Variants in PIK3AP1 observed in about 807,000 individuals in gnomAD.
PIK3AP1 encodes the protein phosphoinositide 3-kinase adapter protein 1.
A neutral mutation model predicts 88.1 loss-of-function variants in PIK3AP1; 21 were observed. The observed-to-expected ratio is 0.24, with a 90% CI of 0.17 to 0.34. The LOEUF (loss-of-function observed/expected upper bound fraction) is 0.34. Among genes scored for constraint, PIK3AP1 ranks in the 10% least tolerant of loss-of-function variants. The pLI, the probability that PIK3AP1 is intolerant of heterozygous loss-of-function variation, is 1.00. For synonymous variants in PIK3AP1, 398 were observed against 400.0 expected (o/e 1.00, Z 0.06); for missense variants, 828 against 1,035.7 (o/e 0.80, Z 2.75).
chr10:96,604,258 G>T (rs1177797267), intron 14 of PIK3AP1, among the ~76,000 whole-genome samples: 1 of 151,138 alleles, frequency 6.6e-6, no homozygotes, highest in Non-Finnish European at 1.5e-5. Context: ...GCTCATGGTA[G>T]CCTCAAACTC....
chr10:96,664,143 A>G (rs1843730090), intron 2 of PIK3AP1, among the ~76,000 whole-genome samples: 1 of 152,250 alleles, frequency 6.6e-6, no homozygotes, highest in Non-Finnish European at 1.5e-5. Flanking sequence ...CAAAATAAAG[A>G]TTCTGAACCA....
At chr10:96,708,574 CAAAAAA>C (rs924470384) in intron 2 of PIK3AP1, among the ~76,000 whole-genome samples, 12 of 12,828 alleles carry the variant, frequency 9.4e-4, no homozygotes, top group East Asian at 2.4e-3. Flanking sequence ...GGATCTGTCT[CAAAAAA>C]AAAAAAAAAA....
chr10:96,610,791 G>GA (rs1849094041), intron 13 of PIK3AP1, among the ~76,000 whole-genome samples: 1 of 152,124 alleles, frequency 6.6e-6, no homozygotes, highest in Admixed American at 6.5e-5. Flanking sequence ...CTGATGAGTA[G>GA]AAAAAAAGTC....
intron 8 of PIK3AP1, among the ~76,000 whole-genome samples, chr10:96,636,629 C>T (rs1176619601): frequency 6.6e-6 from 1 of 152,222 alleles, no homozygotes; most frequent in Non-Finnish European, 1.5e-5. Context: ...AACTTCATGA[C>T]TTGCAAATTA....
chr10:96,684,221 T>C (rs1320794124), intron 2 of PIK3AP1, among the ~76,000 whole-genome samples: 1 of 152,238 alleles, frequency 6.6e-6, no homozygotes, highest in Non-Finnish European at 1.5e-5. Context: ...TTGGCATAGC[T>C]AGTTAGGCAA....
At chr10:96,698,846 G>A (rs1461361509) in intron 2 of PIK3AP1, among the ~76,000 whole-genome samples, 2 of 152,156 alleles carry the variant, frequency 1.3e-5, no homozygotes, top group Admixed American at 6.5e-5. Context: ...ATGAATGAGT[G>A]AAGAAACTAG....
chr10:96,659,118 G>A (rs1282854541), intron 2 of PIK3AP1, among the ~76,000 whole-genome samples: 3 of 152,080 alleles, frequency 2.0e-5, no homozygotes, highest in Admixed American at 6.5e-5. Flanking sequence ...AAACATCAGG[G>A]ACAATTCACA....
chr10:96,699,536 C>T (rs532045280), intron 2 of PIK3AP1, among the ~76,000 whole-genome samples: 3 of 152,276 alleles, frequency 2.0e-5, no homozygotes, highest in African/African-American at 4.8e-5. Flanking sequence ...CCACATTATA[C>T]ATTTTTTGGA....
intron 8 of PIK3AP1, among the ~76,000 whole-genome samples, chr10:96,628,883 T>TACACACACAC (rs1564961177): frequency 2.3e-4 from 3 of 12,788 alleles, no homozygotes; most frequent in African/African-American, 7.2e-4. Context: ...CACATATATA[T>TACACACACAC]ATATACATAT....
intron 2 of PIK3AP1, among the ~76,000 whole-genome samples, chr10:96,709,090 C>T (rs962945818): frequency 2.0e-5 from 3 of 147,724 alleles, no homozygotes; most frequent in Non-Finnish European, 4.4e-5. Flanking sequence ...TGAGATCGCA[C>T]CATTGCGATC....
At chr10:96,626,228 T>C (rs1031083626) in intron 10 of PIK3AP1, among the ~76,000 whole-genome samples, 1 of 152,216 alleles carries the variant, frequency 6.6e-6, no homozygotes, top group Non-Finnish European at 1.5e-5. Flanking sequence ...GCCAGGGCTG[T>C]GAAATCAGAC....
chr10:96,613,204 G>A (rs1323014547), intron 13 of PIK3AP1, among the ~76,000 whole-genome samples: 1 of 151,432 alleles, frequency 6.6e-6, no homozygotes, highest in African/African-American at 2.4e-5. Context: ...TTGCCATGTT[G>A]GCCAGGCTGC....
chr10:96,638,579 G>C (rs1026718892), intron 8 of PIK3AP1, among the ~76,000 whole-genome samples: 2 of 152,166 alleles, frequency 1.3e-5, no homozygotes, highest in African/African-American at 4.8e-5. Flanking sequence ...AATAGTTTAG[G>C]AGAAGCTGCA....
At chr10:96,676,203 G>T (rs965019299) in intron 2 of PIK3AP1, among the ~76,000 whole-genome samples, 1 of 151,896 alleles carries the variant, frequency 6.6e-6, no homozygotes, top group Non-Finnish European at 1.5e-5. Flanking sequence ...TTCACCCCAA[G>T]AACAGGATCA....
At chr10:96,655,550 T>G (rs1362099510) in intron 3 of PIK3AP1, among the ~76,000 whole-genome samples, 1 of 152,136 alleles carries the variant, frequency 6.6e-6, no homozygotes. Flanking sequence ...ACCAAACATG[T>G]CTGATATGGT....
At chr10:96,597,738 G>A (rs902150532) in intron 16 of PIK3AP1, among the ~76,000 whole-genome samples, 1 of 152,082 alleles carries the variant, frequency 6.6e-6, no homozygotes, top group Admixed American at 6.6e-5. Context: ...CTTGGAGTAG[G>A]CACACAACAA....
chr10:96,716,624 C>CT, intron 1 of PIK3AP1, among the ~76,000 whole-genome samples: 2 of 152,300 alleles, frequency 1.3e-5, no homozygotes, highest in Non-Finnish European at 2.9e-5. Flanking sequence ...GGACTAAATG[C>CT]TTTGTCAGCA....
At chr10:96,640,228 C>T (rs1284611449) in intron 8 of PIK3AP1, among the ~76,000 whole-genome samples, 1 of 152,182 alleles carries the variant, frequency 6.6e-6, no homozygotes, top group African/African-American at 2.4e-5. Context: ...CAGTTTCTAA[C>T]GGCAAGATGA....
intron 8 of PIK3AP1, chr10:96,632,993 A>C: frequency 6.2e-7 from 1 of 1,612,810 alleles, no homozygotes; most frequent in South Asian, 1.1e-5. Flanking sequence ...CAGTCCTTGC[A>C]TCTGATCAGC....
Sources: gnomAD v4.1 joint callset for allele counts (sites outside exome capture counted in the v4.1 genomes callset) on GRCh38, gnomAD v4.1.1 for gene constraint, MANE v1.5 for transcripts, NCBI Gene and HGNC (gene_info 2026-07-23, HGNC 2026-07-21) for gene names.